Variants in KCNMB2 observed in about 807,000 individuals in gnomAD.
KCNMB2 encodes the protein potassium calcium-activated channel subfamily M regulatory beta subunit 2.
In KCNMB2, 9 loss-of-function variants were observed where a neutral mutation model predicts 24.5. The ratio of observed to expected loss-of-function variants is 0.37; its 90% CI spans 0.22 to 0.64. KCNMB2 has a LOEUF of 0.64. Among genes scored for constraint, KCNMB2 ranks in the 30% least tolerant of loss-of-function variants. KCNMB2 has a pLI of 0.63. For synonymous variants in KCNMB2, 109 were observed against 104.4 expected, an observed-to-expected ratio of 1.04 and a Z score of -0.27; for missense variants, 226 against 284.3, an observed-to-expected ratio of 0.79 and a Z score of 1.47.
chr3:178,554,098 T>G, intron 1 of KCNMB2, among the ~76,000 whole-genome samples: 1 of 152,186 alleles, frequency 6.6e-6, no homozygotes, highest in Non-Finnish European at 1.5e-5. Context: ...AGGTAGGTTT[T>G]TTTTTTAATA....
chr3:178,697,230 G>C (rs945672051), intron 1 of KCNMB2, among the ~76,000 whole-genome samples: 2 of 152,180 alleles, frequency 1.3e-5, no homozygotes, highest in East Asian at 1.9e-4. Context: ...ATTATTGTGT[G>C]GAAGTCTAAG....
intron 1 of KCNMB2, among the ~76,000 whole-genome samples, chr3:178,797,629 T>A (rs745559879): frequency 6.6e-6 from 1 of 152,212 alleles, no homozygotes; most frequent in African/African-American, 2.4e-5. Context: ...AAAAACCATA[T>A]GATCATTTCG....
rs1352574509 is a variant in KCNMB2, at chr3:178,661,643, CT to C, written c.-68+124933del. On this transcript the variant is annotated intron_variant, in intron 1 of 4. Transcript: ENST00000452583. The stretch of plus-strand genomic sequence containing the variant: ...CCCATGGGCTACAGTTTACCAACCC[CT>C]GATCATTATGCTTGCTACTCAAAGT... Among the ~76,000 whole-genome samples the C allele has an allele frequency of 4.6e-5, 7 of 152,266 alleles. No individual in the cohort carries two copies. The South Asian group carries it at 8.3e-4, about 18-fold the overall frequency.
chr3:178,571,447 G>GATATATATAT lies in KCNMB2; in HGVS notation c.-68+34766_-68+34775dup, dbSNP rs71181237. Among the ~76,000 whole-genome samples, 390 of 90,930 alleles carry GATATATATAT rather than the reference G, an allele frequency of 4.3e-3. 3 individuals carry two copies. The highest frequency in any genetic ancestry group is 6.7e-3 in the Non-Finnish European group (275 of 40,904). 59.7% of individuals were successfully genotyped at this position (90,930 alleles called of 152,430 possible). A position where few individuals can be genotyped will look rare whatever the true frequency, so the allele number is the denominator to read the frequency against. On this transcript the variant is annotated intron_variant, in intron 1 of 4. Transcript: ENST00000452583. ...TCTGTGGATCTGCCTTTTCCTTATG[G>GATATATATAT]ATATATATATATATATATATATATA...
chr3:178,779,506 G>A (rs542490811), intron 1 of KCNMB2, among the ~76,000 whole-genome samples: 5 of 152,196 alleles, frequency 3.3e-5, no homozygotes, highest in African/African-American at 4.8e-5. Flanking sequence ...AAGTTCAAAC[G>A]TCATAGTCAA....
chr3:178,612,486 T>A (rs1392493131), intron 1 of KCNMB2, among the ~76,000 whole-genome samples: 2 of 152,210 alleles, frequency 1.3e-5, no homozygotes. Context: ...TTTATCATTA[T>A]ATAGTGACCT....
intron 1 of KCNMB2, among the ~76,000 whole-genome samples, chr3:178,687,261 G>T (rs1046912129): frequency 1.1e-4 from 17 of 152,092 alleles, no homozygotes; most frequent in African/African-American, 4.1e-4. Context: ...TGACTGGAAT[G>T]AACTGCATGA....
chr3:178,697,386 T>A (rs1340299386), intron 1 of KCNMB2, among the ~76,000 whole-genome samples: 1 of 152,198 alleles, frequency 6.6e-6, no homozygotes, highest in East Asian at 1.9e-4. Flanking sequence ...TTGATCTTTG[T>A]TGGTCTAAAG....
chr3:178,675,452 G>A lies in KCNMB2; in HGVS notation c.-67-131891G>A, dbSNP rs186355294. ...AACTGCCAGCTTTCCCGCAGGGCTG[G>A]ATTTCTGTTAGTGTCAGAACTGCTG... On this transcript the variant is annotated intron_variant, in intron 1 of 4. Transcript: ENST00000452583. Among the ~76,000 whole-genome samples, 249 of 152,252 alleles carry A rather than the reference G, an allele frequency of 1.6e-3. 1 individual carries two copies. The highest frequency in any genetic ancestry group is 2.2e-3 in the Non-Finnish European group (148 of 68,016).
chr3:178,751,573 CAAAAAAA>C lies in KCNMB2; in HGVS notation c.-67-55744_-67-55738del, dbSNP rs61148761. On this transcript the variant is annotated intron_variant, in intron 1 of 4. Transcript: ENST00000452583. ...CGAGCAACAGTGCGAGACTCCGTCT[CAAAAAAA>C]AAAAAAAAAAAAAAAAAAAAAAAAA... Among the ~76,000 whole-genome samples the C allele has an allele frequency of 1.9e-4, 9 of 47,712 alleles. No homozygotes were observed. In the East Asian group the frequency reaches 2.9e-3, roughly 16 times the overall value. 31.3% of individuals were successfully genotyped at this position (47,712 alleles called of 152,430 possible).
At chr3:178,817,685 T>C (rs1192873578) in intron 2 of KCNMB2, among the ~76,000 whole-genome samples, 1 of 152,184 alleles carries the variant, frequency 6.6e-6, no homozygotes, top group Non-Finnish European at 1.5e-5. Context: ...GATTTTCTTC[T>C]GGAAAGAGTA....
chr3:178,815,238 A>G (rs762048666), intron 2 of KCNMB2, among the ~76,000 whole-genome samples: 5 of 152,022 alleles, frequency 3.3e-5, no homozygotes, highest in Non-Finnish European at 5.9e-5. Context: ...TCCTGGGCTC[A>G]AGCAATCCTC....
chr3:178,622,131 T>G lies in KCNMB2; in HGVS notation c.-68+85420T>G, dbSNP rs374614675. 2.6e-5 allele frequency among the ~76,000 whole-genome samples: 4 copies of G among 152,360 alleles called. No individual in the cohort carries two copies. The East Asian group carries it at 5.8e-4, about 22-fold the overall frequency. On this transcript the variant is annotated intron_variant, in intron 1 of 4. Transcript: ENST00000452583. ...TGGCATATAGGAAGTGGAGTATATC[T>G]GAAAACTATTACTAGTCATGTAATA...
chr3:178,763,404 G>A (rs545201116), intron 1 of KCNMB2, among the ~76,000 whole-genome samples: 1 of 152,124 alleles, frequency 6.6e-6, no homozygotes, highest in Non-Finnish European at 1.5e-5. Context: ...GGAGTTAGGG[G>A]TGACTGCAAG....
chr3:178,595,805 A>C (rs1717848367), intron 1 of KCNMB2, among the ~76,000 whole-genome samples: 1 of 152,132 alleles, frequency 6.6e-6, no homozygotes, highest in Non-Finnish European at 1.5e-5. Context: ...GGACTAATAG[A>C]GGTGCCAAAC....
At chr3:178,705,369 G>C (rs780448073) in intron 1 of KCNMB2, among the ~76,000 whole-genome samples, 2 of 152,112 alleles carry the variant, frequency 1.3e-5, no homozygotes, top group African/African-American at 4.8e-5. Flanking sequence ...CAGCTTCTTG[G>C]GGGTAAGAGA....
chr3:178,839,001 T>C (rs936103396), intron 4 of KCNMB2, among the ~76,000 whole-genome samples: 1 of 152,172 alleles, frequency 6.6e-6, no homozygotes, highest in South Asian at 2.1e-4. Flanking sequence ...AAACACTGTA[T>C]AGATAAGCAG....
chr3:178,704,899 C>G (rs1007184749), intron 1 of KCNMB2, among the ~76,000 whole-genome samples: 2 of 152,098 alleles, frequency 1.3e-5, no homozygotes, highest in Admixed American at 6.5e-5. Flanking sequence ...TTCCTGACTC[C>G]TATAAGATGA....
chr3:178,568,059 C>G (rs947607348), intron 1 of KCNMB2, among the ~76,000 whole-genome samples: 2 of 152,084 alleles, frequency 1.3e-5, no homozygotes, highest in Non-Finnish European at 2.9e-5. Context: ...AGGTCCCTTT[C>G]AAATATTTTA....
Sources: allele counts gnomAD v4.1 joint callset (sites outside exome capture counted in the v4.1 genomes callset), GRCh38; gene constraint gnomAD v4.1.1; transcripts MANE v1.5; gene names NCBI Gene and HGNC (gene_info 2026-07-23, HGNC 2026-07-21).